Variants in SRPK2 observed in about 807,000 individuals in gnomAD.
SRPK2 encodes the protein SRSF protein kinase 2, also known as SFRS protein kinase 2.
Under a neutral mutation model 90.8 loss-of-function variants are expected in SRPK2, and 21 were observed. That is an observed-to-expected ratio of 0.23 (90% CI 0.16 to 0.33). SRPK2 has a LOEUF of 0.33. SRPK2 is among the 10% of genes least tolerant of loss of function. The pLI is 1.00. For synonymous variants in SRPK2, 288 were observed against 311.1 expected (o/e 0.93, Z 0.78); for missense variants, 620 against 869.0 (o/e 0.71, Z 3.60).
intron 11 of SRPK2, among the ~76,000 whole-genome samples, chr7:105,138,645 T>C (rs1803242551): frequency 6.6e-6 from 1 of 152,048 alleles, no homozygotes; most frequent in Non-Finnish European, 1.5e-5. Flanking sequence ...CTACCAAAAA[T>C]ATAAAAGTTG....
chr7:105,193,955 T>C (rs1794612156), intron 3 of SRPK2, among the ~76,000 whole-genome samples: 1 of 152,220 alleles, frequency 6.6e-6, no homozygotes, highest in Non-Finnish European at 1.5e-5. Flanking sequence ...ACAGAACATT[T>C]TTCCAAAATC....
intron 2 of SRPK2, among the ~76,000 whole-genome samples, chr7:105,269,355 T>A (rs1413755739): frequency 6.6e-6 from 1 of 152,222 alleles, no homozygotes. Flanking sequence ...AATGAAATAT[T>A]AAACCAGAAC....
intron 3 of SRPK2, chr7:105,189,287 T>C (rs1386617388): frequency 1.3e-5 from 2 of 155,458 alleles, no homozygotes; most frequent in Non-Finnish European, 2.9e-5. Flanking sequence ...CTAATTAAAG[T>C]AGGTGGTGTA....
intron 2 of SRPK2, among the ~76,000 whole-genome samples, chr7:105,282,479 TA>T (rs1807473849): frequency 6.6e-6 from 1 of 152,152 alleles, no homozygotes; most frequent in Non-Finnish European, 1.5e-5. Flanking sequence ...CTTAACATCA[TA>T]AAAATTAAAA....
chr7:105,378,247 C>T (rs969561290), intron 2 of SRPK2, among the ~76,000 whole-genome samples: 2 of 152,168 alleles, frequency 1.3e-5, no homozygotes, highest in Middle Eastern at 6.8e-3. Flanking sequence ...TTAGAATGCC[C>T]TCCTGATTTC....
chr7:105,356,390 T>G (rs532403708), intron 2 of SRPK2, among the ~76,000 whole-genome samples: 1 of 152,230 alleles, frequency 6.6e-6, no homozygotes, highest in East Asian at 1.9e-4. Flanking sequence ...ATACAAAAAC[T>G]GAGGCCCATT....
intron 2 of SRPK2, among the ~76,000 whole-genome samples, chr7:105,358,492 C>T (rs1010258360): frequency 1.3e-5 from 2 of 152,046 alleles, no homozygotes; most frequent in African/African-American, 4.8e-5. Context: ...TCAAAACCAG[C>T]CTGGACAACA....
intron 3 of SRPK2, among the ~76,000 whole-genome samples, chr7:105,191,926 G>A (rs1365887111): frequency 6.6e-6 from 1 of 151,038 alleles, no homozygotes; most frequent in Non-Finnish European, 1.5e-5. Context: ...ATGTTGCCCA[G>A]GCTGTCTTGA....
chr7:105,304,385 T>C (rs1810919698), intron 2 of SRPK2: 1 of 152,216 alleles, frequency 6.6e-6, no homozygotes, highest in South Asian at 2.1e-4. Context: ...AATGAACATA[T>C]TCAAATCCTA....
At chr7:105,351,231 T>C (rs931561548) in intron 2 of SRPK2, among the ~76,000 whole-genome samples, 1 of 152,106 alleles carries the variant, frequency 6.6e-6, no homozygotes, top group Non-Finnish European at 1.5e-5. Flanking sequence ...CTAGGCCACC[T>C]TGGGACTCTG....
At chr7:105,171,938 C>CA in intron 3 of SRPK2, among the ~76,000 whole-genome samples, 1 of 152,146 alleles carries the variant, frequency 6.6e-6, no homozygotes, top group African/African-American at 2.4e-5. Flanking sequence ...CGCTGTTACC[C>CA]AGGCTAGAGT....
chr7:105,243,196 G>C (rs935329692), intron 2 of SRPK2, among the ~76,000 whole-genome samples: 8 of 151,974 alleles, frequency 5.3e-5, no homozygotes, highest in African/African-American at 1.5e-4. Flanking sequence ...TAGATAAGGG[G>C]AATCCCTATG....
intron 2 of SRPK2, among the ~76,000 whole-genome samples, chr7:105,345,644 A>G (rs1203978431): frequency 6.6e-6 from 1 of 152,208 alleles, no homozygotes; most frequent in Admixed American, 6.5e-5. Flanking sequence ...AAACTCGTTC[A>G]TCTATATATT....
Position 105,126,343 on chromosome 7 carries a change from A to G in SRPK2, c.1823-3T>C, listed in dbSNP as rs1010032360. 1.2e-6 allele frequency: 2 copies of G among 1,610,644 alleles called. No homozygotes were observed. The highest frequency in any genetic ancestry group is 2.7e-5 in the African/African-American group (2 of 74,834). On this transcript the variant is annotated splice_polypyrimidine_tract_variant and splice_region_variant and intron_variant, in intron 14 of 15. Transcript: ENST00000393651. ...CTCTATGATGTGGGCTATGTGGTCT[A>G]TGGAGGAGAGAAAAAAAGGATATGG... is the stretch of plus-strand genomic sequence containing the variant.
chr7:105,382,892 C>A (rs1326680893), intron 2 of SRPK2, among the ~76,000 whole-genome samples: 1 of 152,000 alleles, frequency 6.6e-6, no homozygotes, highest in African/African-American at 2.4e-5. Context: ...CAAGTAAAAT[C>A]TTTCTTGAAT....
intron 2 of SRPK2, among the ~76,000 whole-genome samples, chr7:105,221,479 G>A (rs1241914126): frequency 3.3e-5 from 5 of 152,136 alleles, no homozygotes; most frequent in African/African-American, 7.2e-5. Context: ...TCTGGTTTAC[G>A]AAAGCCTGTA....
chr7:105,383,052 AAT>A lies in SRPK2; in HGVS notation c.71+5594_71+5595del, dbSNP rs1491408120. Among the ~76,000 whole-genome samples, 51 of 105,320 alleles carry A rather than the reference AAT, an allele frequency of 4.8e-4. 10 individuals are homozygous for A. The highest frequency in any genetic ancestry group is 1.8e-3 in the African/African-American group (48 of 26,554). The allele number at this position is 105,320 out of a possible 152,430, so 69.1% of individuals were successfully genotyped here. ...AGTCTGAAATTATTTCAAAAGTAAAAATTTTTTTTTTTTTTTTTTTTTTTTTT... is the reference window on the plus strand; with the variant it reads ...AGTCTGAAATTATTTCAAAAGTAAAATTTTTTTTTTTTTTTTTTTTTTTTT... On this transcript the variant is annotated intron_variant, in intron 2 of 15. Coordinates refer to ENST00000393651, the MANE Select transcript of SRPK2 (RefSeq NM_182692.3).
chr7:105,124,659 AT>A (rs1800904015), intron 15 of SRPK2, among the ~76,000 whole-genome samples: 1 of 149,528 alleles, frequency 6.7e-6, no homozygotes, highest in African/African-American at 2.5e-5. Flanking sequence ...AAAAAAAAAA[AT>A]CAATGTGGTT....
intron 1 of SRPK2, among the ~76,000 whole-genome samples, chr7:105,394,471 A>G (rs1417970219): frequency 6.6e-6 from 1 of 152,170 alleles, no homozygotes; most frequent in Non-Finnish European, 1.5e-5. Flanking sequence ...ACTTAGCCTA[A>G]CATTAAAACC....
Sources: allele counts gnomAD v4.1 joint callset (sites outside exome capture counted in the v4.1 genomes callset), GRCh38; gene constraint gnomAD v4.1.1; transcripts MANE v1.5; gene names NCBI Gene and HGNC (gene_info 2026-07-23, HGNC 2026-07-21).